Variants in NRP2 observed in about 807,000 individuals in gnomAD.
The protein encoded by NRP2 is neuropilin 2.
A neutral mutation model predicts 110.4 loss-of-function variants in NRP2; 52 were observed. The observed-to-expected ratio is 0.47, with a 90% CI of 0.38 to 0.59. The LOEUF is 0.59. NRP2 is among the 20% of genes least tolerant of loss of function. The pLI is 0.00. For missense variants in NRP2, 1,049 were observed against 1,203.0 expected (o/e 0.87, Z 1.89); for synonymous variants, 508 against 468.9 (o/e 1.08, Z -1.08).
At chr2:205,727,436 G>A (rs1451923285) in intron 6 of NRP2, among the ~76,000 whole-genome samples, 1 of 152,252 alleles carries the variant, frequency 6.6e-6, no homozygotes, top group Non-Finnish European at 1.5e-5. Flanking sequence ...GCGAGAGGGT[G>A]TGGGGAGGGG....
At chr2:205,789,144 A>G (rs2058269705) in intron 15 of NRP2, among the ~76,000 whole-genome samples, 3 of 152,144 alleles carry the variant, frequency 2.0e-5, no homozygotes, top group Admixed American at 6.5e-5. Flanking sequence ...CTTTTATTTT[A>G]TTAGAAGGGG....
intron 2 of NRP2, among the ~76,000 whole-genome samples, chr2:205,715,326 C>T (rs1210510280): frequency 6.6e-6 from 1 of 152,172 alleles, no homozygotes; most frequent in African/African-American, 2.4e-5. Context: ...TGCTTCCCAG[C>T]CCTGGCCAGT....
At chr2:205,724,172 C>T (rs1411190499) in intron 5 of NRP2, among the ~76,000 whole-genome samples, 1 of 152,070 alleles carries the variant, frequency 6.6e-6, no homozygotes, top group Non-Finnish European at 1.5e-5. Context: ...ATGTGTGTAA[C>T]AAGAATTAGT....
intron 15 of NRP2, among the ~76,000 whole-genome samples, chr2:205,784,395 C>G (rs922700923): frequency 2.6e-5 from 4 of 152,194 alleles, no homozygotes; most frequent in African/African-American, 9.7e-5. Flanking sequence ...CGAGAACAGG[C>G]ATGAGGATTT....
chr2:205,717,182 G>C (rs1386570571), intron 3 of NRP2, among the ~76,000 whole-genome samples: 1 of 143,958 alleles, frequency 6.9e-6, no homozygotes, highest in African/African-American at 2.5e-5. Context: ...TGTGGAGCTT[G>C]TTATCTCGAG....
At position 205,725,937 on chromosome 2, in the gene NRP2, G is replaced by T; in HGVS notation, c.845G>T (p.Gly282Val). Residue 282 changes from glycine (G) to valine (V), a missense_variant, in exon 6 of 17, where the codon GGC (glycine) becomes GTC (valine). Transcript: ENST00000357785. This position sits in a 1 kb window ranked among gnomAD's most constrained non-coding sequence, Gnocchi z 4.1. ...LENFQCNVPL[G>V]MESGRIANEQ... The stretch of plus-strand genomic sequence containing the variant: ...GACTTTCAGTGCAATGTTCCTCTGG[G>T]CATGGAGTCTGGCCGGATTGCTAAT... The T allele has an allele frequency of 1.9e-6, 3 of 1,614,162 alleles. No homozygotes were observed. Among genetic ancestry groups the T allele is most frequent in the Non-Finnish European group, 2.5e-6 (3 of 1,180,016 alleles).
chr2:205,763,844 G>A lies in NRP2; in HGVS notation c.2215G>A (p.Glu739Lys). The A allele has an allele frequency of 6.2e-7, 1 of 1,614,186 alleles. No homozygotes were observed. The highest frequency in any genetic ancestry group is 2.2e-5 in the East Asian group (1 of 44,874). The change falls in exon 13 of 17, where the codon GAG becomes AAG. Residue 739 changes from glutamate (E) to lysine (K), a missense_variant. Glu to Lys is a moderately conservative substitution (Grantham distance 56). Coordinates refer to ENST00000357785, the MANE Select transcript of NRP2 (RefSeq NM_003872.3). This position sits in a 1 kb window ranked among gnomAD's most constrained non-coding sequence, Gnocchi z 4.0. ...ALQVVREASQ[E>K]SKLLWVIRED... ...GCAGGTGGTGCGGGAAGCCAGCCAGGAGAGCAAGTTGCTGTGGGTCATCCG... is the reference window on the plus strand; with the variant it reads ...GCAGGTGGTGCGGGAAGCCAGCCAGAAGAGCAAGTTGCTGTGGGTCATCCG...
intron 1 of NRP2, among the ~76,000 whole-genome samples, chr2:205,690,389 G>A (rs1173881176): frequency 6.6e-6 from 1 of 152,062 alleles, no homozygotes; most frequent in Non-Finnish European, 1.5e-5. Context: ...TGGAAGTGTG[G>A]GGGTTGGAGT....
In NRP2 at chr2:205,725,323, G is replaced by A. The variant is rs2057107091; in HGVS notation, c.821-590G>A. Among the ~76,000 whole-genome samples, 1 of 152,212 alleles carries A rather than the reference G, an allele frequency of 6.6e-6. No individual in the cohort carries two copies. The highest frequency in any genetic ancestry group is 6.5e-5 in the Admixed American group (1 of 15,286). On this transcript the variant is annotated intron_variant, in intron 5 of 16. Coordinates refer to ENST00000357785, the MANE Select transcript of NRP2 (RefSeq NM_003872.3). The surrounding 1 kb of genome is among the most constrained non-coding windows in gnomAD (Gnocchi z 4.1). ...ACAGCAATGCAACTGACAGCACAGG[G>A]CCAGAGTAAGTGACTTCTGGGTCTA...
At chr2:205,781,894 G>A (rs2058178297) in intron 15 of NRP2, among the ~76,000 whole-genome samples, 1 of 152,040 alleles carries the variant, frequency 6.6e-6, no homozygotes, top group Non-Finnish European at 1.5e-5. Context: ...CACAGATCAG[G>A]TGCACCACAG....
intron 2 of NRP2, 66 bp downstream of exon 2, chr2:205,697,787 G>T: frequency 6.7e-7 from 1 of 1,483,982 alleles, no homozygotes. Flanking sequence ...CCCCACCCCT[G>T]CTCTTGTCAC....
At chr2:205,751,841 C>A (rs551424666) in intron 11 of NRP2, among the ~76,000 whole-genome samples, 52 of 152,308 alleles carry the variant, frequency 3.4e-4, no homozygotes, top group Non-Finnish European at 6.9e-4. Flanking sequence ...TCCCTGCTAC[C>A]AACATTAGCC....
Position 205,704,100 on chromosome 2 carries a change from G to A in NRP2, c.251+6379G>A, listed in dbSNP as rs145059731. On this transcript the variant is annotated intron_variant, in intron 2 of 16. Transcript: ENST00000357785. ...GTCCAGCGACCTCCCCCACCCCGCC[G>A]CCAGTGGAATGCCTGAAAGTGGGGT... is the stretch of plus-strand genomic sequence containing the variant. Among the ~76,000 whole-genome samples, 13 of 152,200 alleles carry A rather than the reference G, an allele frequency of 8.5e-5. No homozygotes were observed. The East Asian group carries it at 9.7e-4, about 11-fold the overall frequency.
chr2:205,744,638 C>T (rs1011598846), intron 9 of NRP2, among the ~76,000 whole-genome samples: 1 of 152,182 alleles, frequency 6.6e-6, no homozygotes, highest in South Asian at 2.1e-4. Context: ...CTCTAGTTAC[C>T]CCTTGTTTTT....
At chr2:205,712,130 T>G (rs1260270835) in intron 2 of NRP2, among the ~76,000 whole-genome samples, 1 of 152,016 alleles carries the variant, frequency 6.6e-6, no homozygotes, top group Non-Finnish European at 1.5e-5. Flanking sequence ...TCTAGACAAA[T>G]GCTCACCATG....
At chr2:205,792,434 A>C in intron 16 of NRP2, 149 bp downstream of exon 16, 1 of 653,422 alleles carries the variant, frequency 1.5e-6, no homozygotes, top group Admixed American at 2.5e-5. Flanking sequence ...AAATGAGGGA[A>C]CCATCAATGG....
At chr2:205,701,924 T>C (rs762883664) in intron 2 of NRP2, among the ~76,000 whole-genome samples, 5 of 152,262 alleles carry the variant, frequency 3.3e-5, no homozygotes, top group Non-Finnish European at 7.3e-5. Context: ...ATTCAGGCTT[T>C]TAATTCTAAG....
intron 15 of NRP2, among the ~76,000 whole-genome samples, chr2:205,789,979 CCA>C (rs767401843): frequency 8.5e-5 from 13 of 152,144 alleles, no homozygotes; most frequent in Non-Finnish European, 1.5e-4. Context: ...TGTGTTTTCC[CCA>C]GTGTGCCATT....
intron 12 of NRP2, among the ~76,000 whole-genome samples, chr2:205,756,091 G>A (rs1427087668): frequency 1.3e-5 from 2 of 151,934 alleles, no homozygotes; most frequent in Non-Finnish European, 2.9e-5. Context: ...AGGCTGAAAA[G>A]CACCCACTGG....
Sources: gnomAD v4.1 joint callset for allele counts (sites outside exome capture counted in the v4.1 genomes callset) on GRCh38, gnomAD v4.1.1 for gene constraint, Gnocchi (gnomAD v3.1) non-coding constraint, MANE v1.5 for transcripts, NCBI Gene and HGNC (gene_info 2026-07-23, HGNC 2026-07-21) for gene names.